Variants in DCDC2 observed in about 807,000 individuals in gnomAD.
The protein encoded by DCDC2 is doublecortin domain-containing protein 2.
A neutral mutation model predicts 50.2 loss-of-function variants in DCDC2; 40 were observed. That is an observed-to-expected ratio of 0.80 (90% confidence interval 0.62 to 1.04). DCDC2 has a LOEUF of 1.04. DCDC2 is among the 50% of genes least tolerant of loss of function. The pLI is 0.00. For synonymous variants in DCDC2, 234 were observed against 210.6 expected (o/e 1.11, Z -0.96); for missense variants, 570 against 581.9 (o/e 0.98, Z 0.21).
Position 24,357,821 on chromosome 6 carries a change from A to G in DCDC2, c.-71T>C, listed in dbSNP as rs141716750. 1.2e-4 allele frequency: 185 copies of G among 1,604,278 alleles called. No individual in the cohort carries two copies. The highest frequency in any genetic ancestry group is 1.4e-4 in the Non-Finnish European group (165 of 1,173,992). On this transcript the variant is annotated 5_prime_UTR_variant, in exon 1 of 10. Coordinates refer to ENST00000378454, the MANE Select transcript of DCDC2 (RefSeq NM_016356.5). ...GCACCTCCGCTGTCCCAGCGGCCTC[A>G]CCGCACCCAGGGCGCGGGATCGCCT...
the DCDC2 span, among the ~76,000 whole-genome samples, chr6:24,379,067 AG>A: frequency 8.5e-5 from 13 of 152,168 alleles, no homozygotes; most frequent in Non-Finnish European, 1.6e-4. Flanking sequence ...AAAGACTTAA[AG>A]GTAAGATCTA....
rs1759380232 is a variant in DCDC2, at chr6:24,301,785, A to G, written c.487T>C (p.Leu163=). ...TGTAGTACATGATCCCACTGATTCAAGGTTTTTCTGGGGATAAGGAGGCGA... is the reference window on the plus strand; with the variant it reads ...TGTAGTACATGATCCCACTGATTCAGGGTTTTTCTGGGGATAAGGAGGCGA... ...ASRLLIPRKT[L]NQWDHVLQMV... Residue 163 remains leucine (L), a synonymous_variant, in exon 4 of 10, where the codon TTG becomes CTG. Coordinates refer to ENST00000378454, the MANE Select transcript of DCDC2 (RefSeq NM_016356.5). 2 of 1,614,076 alleles carry G rather than the reference A, an allele frequency of 1.2e-6. No individual in the cohort carries two copies. The highest frequency in any genetic ancestry group is 1.7e-6 in the Non-Finnish European group (2 of 1,180,046).
At chr6:24,174,865 T>C in intron 9 of DCDC2, 31 bp from the exon 10 acceptor site, 1 of 1,468,280 alleles carries the variant, frequency 6.8e-7, no homozygotes, top group Non-Finnish European at 9.4e-7. Flanking sequence ...ACAAAGGTAT[T>C]CAGCTGTTTG....
intron 2 of DCDC2, among the ~76,000 whole-genome samples, chr6:24,314,873 G>C (rs1287123485): frequency 6.6e-6 from 1 of 152,152 alleles, no homozygotes; most frequent in Non-Finnish European, 1.5e-5. Flanking sequence ...CATTGTTCTA[G>C]GTGGTTTCAA....
At chr6:24,375,255 C>T in the DCDC2 span, among the ~76,000 whole-genome samples, 33 of 152,070 alleles carry the variant, frequency 2.2e-4, no homozygotes, top group African/African-American at 7.2e-4. Flanking sequence ...CCAGAGGCCC[C>T]GTTAGAGTGC....
At chr6:24,237,635 G>A (rs780723453) in intron 7 of DCDC2, among the ~76,000 whole-genome samples, 1 of 152,096 alleles carries the variant, frequency 6.6e-6, no homozygotes, top group Admixed American at 6.5e-5. Flanking sequence ...TTCATTGCAG[G>A]ACTATTCACA....
At chr6:24,291,995 C>CT (rs964085939) in intron 4 of DCDC2, among the ~76,000 whole-genome samples, 173 of 150,880 alleles carry the variant, frequency 1.1e-3, no homozygotes, top group Middle Eastern at 6.9e-3. Context: ...GTGCTTCTTT[C>CT]TTTTTTTTTG....
intron 7 of DCDC2, among the ~76,000 whole-genome samples, chr6:24,259,643 A>C (rs1328573028): frequency 1.3e-5 from 2 of 152,188 alleles, no homozygotes; most frequent in African/African-American, 2.4e-5. Context: ...CTTGGTTTAA[A>C]ATGCATTAGA....
rs1292272654 is a variant in DCDC2, at chr6:24,357,451, G to C, written c.293+7C>G. ...AAATGGGTGGGCGGTGGGGGAGACC[G>C]ACTCACTTGAGTTTCTTGAAGGCTT... On this transcript the variant is annotated splice_region_variant and intron_variant, in intron 1 of 9. Transcript: ENST00000378454. 3 of 1,590,808 alleles carry C rather than the reference G, an allele frequency of 1.9e-6. No individual in the cohort carries two copies. The highest frequency in any genetic ancestry group is 2.6e-6 in the Non-Finnish European group (3 of 1,166,952).
intron 7 of DCDC2, chr6:24,205,311 G>T: frequency 6.5e-7 from 1 of 1,536,212 alleles, no homozygotes; most frequent in Non-Finnish European, 8.8e-7. Context: ...GTCAAAACAA[G>T]GCTGACCCAG....
At chr6:24,362,432 GTATA>G (rs1760683703), upstream of DCDC2, among the ~76,000 whole-genome samples, 46 of 126,446 alleles carry the variant, frequency 3.6e-4, no homozygotes, top group East Asian at 6.6e-4. Context: ...TTATTTAATT[GTATA>G]TTTATACAAT....
In DCDC2 at chr6:24,174,641, T is replaced by C; in HGVS notation, c.*89A>G. On this transcript the variant is annotated 3_prime_UTR_variant, in exon 10 of 10. Transcript: ENST00000378454. Reference sequence around the variant, plus strand: ...GTAGTATTCGACCATAGTGTCACATTATATTCAGCAATAACTATGTGCTTA... The same window carrying C: ...GTAGTATTCGACCATAGTGTCACATCATATTCAGCAATAACTATGTGCTTA... 3 of 874,066 alleles carry C rather than the reference T, an allele frequency of 3.4e-6. No homozygotes were observed. The South Asian group carries it at 5.3e-5, about 15-fold the overall frequency. 54.1% of individuals were successfully genotyped at this position (874,066 alleles called of 1,614,324 possible). A position where few individuals can be genotyped will look rare whatever the true frequency, so the allele number is the denominator to read the frequency against.
chr6:24,244,708 C>T (rs1029171013), intron 7 of DCDC2, among the ~76,000 whole-genome samples: 2 of 152,204 alleles, frequency 1.3e-5, no homozygotes, highest in African/African-American at 2.4e-5. Flanking sequence ...TCAGCTCCCC[C>T]GGGGTGCCCA....
intron 7 of DCDC2, among the ~76,000 whole-genome samples, chr6:24,274,856 G>T (rs1443778490): frequency 1.3e-5 from 2 of 151,622 alleles, no homozygotes; most frequent in African/African-American, 4.8e-5. Context: ...TATAGGTAAA[G>T]AACACTAGAT....
chr6:24,183,746 T>C (rs567641898), intron 8 of DCDC2, among the ~76,000 whole-genome samples: 28 of 152,208 alleles, frequency 1.8e-4, no homozygotes, highest in Non-Finnish European at 3.7e-4. Context: ...CGGAGATAAA[T>C]ACCACTGTCT....
intron 4 of DCDC2, among the ~76,000 whole-genome samples, chr6:24,296,295 C>A (rs1759237822): frequency 6.6e-6 from 1 of 152,156 alleles, no homozygotes. Context: ...TGAAATTGAA[C>A]TCCTTCCTTA....
intron 7 of DCDC2, among the ~76,000 whole-genome samples, chr6:24,233,473 G>T (rs1237108310): frequency 2.0e-5 from 3 of 152,102 alleles, no homozygotes; most frequent in Non-Finnish European, 4.4e-5. Flanking sequence ...ATCCCCCAAT[G>T]AGATTATAAA....
At chr6:24,199,681 CA>C (rs1180542075) in intron 8 of DCDC2, among the ~76,000 whole-genome samples, 38 of 151,640 alleles carry the variant, frequency 2.5e-4, no homozygotes, top group Non-Finnish European at 4.9e-4. Context: ...TTGACAGAAG[CA>C]GGCTTCAGAA....
At chr6:24,302,298 A>G (rs1337843241) in intron 2 of DCDC2, among the ~76,000 whole-genome samples, 2 of 140,498 alleles carry the variant, frequency 1.4e-5, no homozygotes, top group African/African-American at 6.3e-5. Context: ...TCTGTGGAAA[A>G]AAAAAAAAAA....
Sources: gnomAD v4.1 joint callset for allele counts (sites outside exome capture counted in the v4.1 genomes callset) on GRCh38, gnomAD v4.1.1 for gene constraint, MANE v1.5 for transcripts, NCBI Gene and HGNC (gene_info 2026-07-23, HGNC 2026-07-21) for gene names.